The following ADAMTS2 variants were observed in gnomAD, a reference collection of about 807,000 sequenced individuals.
ADAMTS2 encodes ADAM metallopeptidase with thrombospondin type 1 motif 2.
ADAMTS2 carries 50 observed loss-of-function variants against 123.0 expected under a neutral mutation model. The ratio of observed to expected loss-of-function variants is 0.41; its 90% CI spans 0.32 to 0.51. The LOEUF is 0.51. Ranked by LOEUF, ADAMTS2 falls within the 20% of genes least tolerant of loss-of-function variation. The probability of loss-of-function intolerance (pLI) is 0.35; values close to 1 mark genes in which losing one functional copy is unlikely to be tolerated. For synonymous variants in ADAMTS2, 678 were observed against 695.4 expected, an observed-to-expected ratio of 0.98 and a Z score of 0.39; for missense variants, 1,494 against 1,705.2, an observed-to-expected ratio of 0.88 and a Z score of 2.18.
At position 179,262,799 on chromosome 5, in the gene ADAMTS2, C is replaced by T. The variant is rs1766267441; in HGVS notation, c.688+10112G>A. Among the ~76,000 whole-genome samples, 2 of 152,254 alleles carry T rather than the reference C, an allele frequency of 1.3e-5. No homozygotes were observed. The highest frequency in any genetic ancestry group is 4.1e-4 in the South Asian group (2 of 4,838). On this transcript the variant is annotated intron_variant, in intron 3 of 21. Transcript: ENST00000251582. This position sits in a 1 kb window ranked among gnomAD's most constrained non-coding sequence, Gnocchi z 5.9. The stretch of plus-strand genomic sequence containing the variant: ...CAGGTCTCCCCTGCGGGGCTGTGAG[C>T]CCAGAGAACAGGGACTCGATCGGGT...
chr5:179,275,270 G>C (rs142582860), intron 2 of ADAMTS2, among the ~76,000 whole-genome samples: 24 of 152,212 alleles, frequency 1.6e-4, no homozygotes, highest in Admixed American at 3.3e-4. Flanking sequence ...TGGTCCAGAC[G>C]GGAGCATGAG....
intron 3 of ADAMTS2, among the ~76,000 whole-genome samples, chr5:179,250,099 C>T (rs1765884226): frequency 1.3e-5 from 2 of 152,176 alleles, no homozygotes; most frequent in Admixed American, 6.5e-5. Flanking sequence ...ACCACACAGT[C>T]ATCTTGGTTG....
chr5:179,200,244 C>CTTTTTT (rs1051856642), intron 4 of ADAMTS2, among the ~76,000 whole-genome samples: 15 of 103,686 alleles, frequency 1.4e-4, no homozygotes, highest in African/African-American at 2.0e-4. Context: ...CCTTTCTTTC[C>CTTTTTT]TTTTTTTTTT....
intron 3 of ADAMTS2, among the ~76,000 whole-genome samples, chr5:179,252,208 C>A (rs958285660): frequency 1.2e-4 from 18 of 151,980 alleles, no homozygotes; most frequent in Non-Finnish European, 1.5e-4. Context: ...TGGGGTTTCA[C>A]CATTTTGCCC....
rs1463861392 is a variant in ADAMTS2, at chr5:179,185,899, T to C, written c.892-4744A>G. 1.3e-5 allele frequency among the ~76,000 whole-genome samples: 2 copies of C among 151,968 alleles called. No homozygotes were observed. The highest frequency in any genetic ancestry group is 2.4e-5 in the African/African-American group (1 of 41,384). On this transcript the variant is annotated intron_variant, in intron 4 of 21. Transcript: ENST00000251582. This position sits in a 1 kb window ranked among gnomAD's most constrained non-coding sequence, Gnocchi z 5.9. ...GAGCTAGAGAGGGCATGCCTGCAAATGCTCCCAGCAGGTAGCCAGGGAGAA... is the reference window on the plus strand; with the variant it reads ...GAGCTAGAGAGGGCATGCCTGCAAACGCTCCCAGCAGGTAGCCAGGGAGAA...
At chr5:179,152,363 C>A in intron 9 of ADAMTS2, 108 bp from the exon 10 acceptor site, 1 of 1,027,166 alleles carries the variant, frequency 9.7e-7, no homozygotes, top group Non-Finnish European at 1.5e-6. Flanking sequence ...TGGGACTGGC[C>A]CATGATGGGC....
At chr5:179,267,135 T>C (rs1181705504) in intron 3 of ADAMTS2, among the ~76,000 whole-genome samples, 1 of 147,428 alleles carries the variant, frequency 6.8e-6, no homozygotes, top group Non-Finnish European at 1.5e-5. Flanking sequence ...CGCCGCCCAC[T>C]CTTCCCCCAG....
chr5:179,243,182 G>A (rs1034267840), intron 3 of ADAMTS2, among the ~76,000 whole-genome samples: 2 of 151,582 alleles, frequency 1.3e-5, no homozygotes, highest in Non-Finnish European at 2.9e-5. Flanking sequence ...AGAACAGATC[G>A]TTATGAGGAT....
intron 6 of ADAMTS2, among the ~76,000 whole-genome samples, chr5:179,156,002 T>G (rs1763461866): frequency 6.6e-6 from 1 of 152,152 alleles, no homozygotes; most frequent in Non-Finnish European, 1.5e-5. Flanking sequence ...AAAATCTGCA[T>G]TTTTTGCTCT....
chr5:179,154,806 C>A lies in ADAMTS2; in HGVS notation c.1238+8G>T. ...CCTCTGTGCCCCACCCTTCCCCAGG[C>A]CACTTACACGTGGCCAGTCTCATGG... is the stretch of plus-strand genomic sequence containing the variant. On this transcript the variant is annotated splice_region_variant and intron_variant, in intron 7 of 21. Coordinates refer to ENST00000251582, the MANE Select transcript of ADAMTS2 (RefSeq NM_014244.5). The A allele has an allele frequency of 1.2e-6, 2 of 1,604,736 alleles. No homozygotes were observed. The highest frequency in any genetic ancestry group is 1.7e-6 in the Non-Finnish European group (2 of 1,175,634).
At chr5:179,343,277 A>T (rs1757833064) in intron 2 of ADAMTS2, among the ~76,000 whole-genome samples, 1 of 152,192 alleles carries the variant, frequency 6.6e-6, no homozygotes. Context: ...ATGCACAAGG[A>T]CGGACACAAA....
intron 5 of ADAMTS2, among the ~76,000 whole-genome samples, chr5:179,164,443 G>A (rs192696616): frequency 3.3e-5 from 5 of 152,316 alleles, no homozygotes; most frequent in African/African-American, 1.2e-4. Context: ...GTCAGGACCT[G>A]GTGGCAGGAG....
chr5:179,150,068 G>C (rs1297877408), intron 10 of ADAMTS2, among the ~76,000 whole-genome samples: 1 of 152,162 alleles, frequency 6.6e-6, no homozygotes, highest in Non-Finnish European at 1.5e-5. Context: ...AAAAGCAGGG[G>C]GCAATCAGCT....
chr5:179,340,041 G>A (rs917552076), intron 2 of ADAMTS2, among the ~76,000 whole-genome samples: 1 of 152,260 alleles, frequency 6.6e-6, no homozygotes, highest in African/African-American at 2.4e-5. Context: ...AGCAGCCCTG[G>A]ATTTCTTCTT....
At chr5:179,203,239 G>T (rs1449509375) in intron 4 of ADAMTS2, among the ~76,000 whole-genome samples, 1 of 152,190 alleles carries the variant, frequency 6.6e-6, no homozygotes, top group African/African-American at 2.4e-5. Flanking sequence ...GCCTTTCCCA[G>T]GGCACAGGCT....
At position 179,130,200 on chromosome 5, in the gene ADAMTS2, C is replaced by T; in HGVS notation, c.2291-102G>A. The T allele has an allele frequency of 1.4e-6, 2 of 1,444,126 alleles. No individual in the cohort carries two copies. The highest frequency in any genetic ancestry group is 9.6e-7 in the Non-Finnish European group (1 of 1,040,184). The allele number at this position is 1,444,126 out of a possible 1,614,324, so 89.5% of individuals were successfully genotyped here. A position where few individuals can be genotyped will look rare whatever the true frequency, so the allele number is the denominator to read the frequency against. ...GGGAGTGGGGGCAGCTAGCTGGACC[C>T]CTTGTCTCTCTGGCTGCCCCCGGCC... On this transcript the variant is annotated intron_variant, in intron 15 of 21. Transcript: ENST00000251582. The surrounding 1 kb of genome is among the most constrained non-coding windows in gnomAD (Gnocchi z 4.3).
chr5:179,231,477 G>A (rs369447548), intron 3 of ADAMTS2, among the ~76,000 whole-genome samples: 74 of 152,266 alleles, frequency 4.9e-4, no homozygotes, highest in South Asian at 2.7e-3. Context: ...AGTGTCTACC[G>A]CCTCGATGTG....
At position 179,303,440 on chromosome 5, in the gene ADAMTS2, T is replaced by C. The variant is rs531169976; in HGVS notation, c.535-30376A>G. ...CAGCATGCAGATTGGGGAAGAAGAC[T>C]AGAATGTGAGGTTCAGCAAACCCGC... is the stretch of plus-strand genomic sequence containing the variant. On this transcript the variant is annotated intron_variant, in intron 2 of 21. Transcript: ENST00000251582. The surrounding 1 kb of genome is among the most constrained non-coding windows in gnomAD (Gnocchi z 4.7). Among the ~76,000 whole-genome samples, 5 of 152,112 alleles carry C rather than the reference T, an allele frequency of 3.3e-5. No homozygotes were observed. The highest frequency in any genetic ancestry group is 7.3e-5 in the Non-Finnish European group (5 of 68,030).
At chr5:179,341,438 T>A in intron 2 of ADAMTS2, 1 of 290,026 alleles carries the variant, frequency 3.4e-6, no homozygotes, top group Non-Finnish European at 6.8e-6. Context: ...CAGTGGCTCA[T>A]GCCTGTAATC....
Sources: gnomAD v4.1 joint callset for allele counts (sites outside exome capture counted in the v4.1 genomes callset) on GRCh38, gnomAD v4.1.1 for gene constraint, Gnocchi (gnomAD v3.1) non-coding constraint, MANE v1.5 for transcripts, NCBI Gene and HGNC (gene_info 2026-07-23, HGNC 2026-07-21) for gene names.